CDON: variants seen among roughly 807,000 people sequenced by gnomAD.
The protein encoded by CDON is cell adhesion molecule-related/down-regulated by oncogenes.
Under a neutral mutation model 120.9 loss-of-function variants are expected in CDON, and 73 were observed. The ratio of observed to expected loss-of-function variants is 0.60; its 90% CI spans 0.50 to 0.73. CDON has a LOEUF of 0.73. Among genes scored for constraint, CDON ranks in the 30% least tolerant of loss-of-function variants. The pLI is 0.00. For missense variants in CDON, 1,470 were observed against 1,587.3 expected (o/e 0.93, Z 1.26); for synonymous variants, 566 against 573.5 (o/e 0.99, Z 0.19).
At chr11:125,996,055 T>A (rs1234108998) in intron 12 of CDON, among the ~76,000 whole-genome samples, 1 of 152,098 alleles carries the variant, frequency 6.6e-6, no homozygotes, top group African/African-American at 2.4e-5. Flanking sequence ...CTGACTCATG[T>A]CCACAACACT....
At chr11:125,962,043 C>A (rs370486076) in intron 18 of CDON, 45 bp from the exon 19 acceptor site, 188 of 1,445,580 alleles carry the variant, frequency 1.3e-4, no homozygotes, top group Non-Finnish European at 1.7e-4. Context: ...TCTAGAGGAA[C>A]CAATAATTAA....
rs1002586216 is a variant in CDON, at chr11:125,958,466, G to A, written c.*2476C>T. 5 of 151,716 alleles carry A rather than the reference G, an allele frequency of 3.3e-5. No individual in the cohort carries two copies. Among genetic ancestry groups the A allele is most frequent in the African/African-American group, 1.2e-4 (5 of 41,268 alleles). The allele number at this position is 151,716 out of a possible 1,614,324, so 9.4% of individuals were successfully genotyped here. On this transcript the variant is annotated 3_prime_UTR_variant, in exon 20 of 20. Coordinates refer to ENST00000531738, the MANE Select transcript of CDON (RefSeq NM_001378964.1). The stretch of plus-strand genomic sequence containing the variant: ...CTCATTTCCTGGTGAAGTGACATTA[G>A]GTAGGACTGTTTGGGTGCCTGTGCA...
At chr11:126,012,327 G>A (rs1167686980) in intron 7 of CDON, among the ~76,000 whole-genome samples, 1 of 152,036 alleles carries the variant, frequency 6.6e-6, no homozygotes, top group African/African-American at 2.4e-5. Context: ...AACTGGCTGT[G>A]CTTTACTGCT....
chr11:125,968,876 TG>T (rs1355370466), intron 18 of CDON, among the ~76,000 whole-genome samples: 1 of 152,272 alleles, frequency 6.6e-6, no homozygotes, highest in African/African-American at 2.4e-5. Flanking sequence ...TGTCTACATG[TG>T]TCAGCATAAA....
At chr11:126,053,725 T>C (rs962474371) in intron 1 of CDON, among the ~76,000 whole-genome samples, 2 of 148,828 alleles carry the variant, frequency 1.3e-5, no homozygotes, top group African/African-American at 2.6e-5. Flanking sequence ...CCCCATTTTC[T>C]AAACGAGGAT....
intron 1 of CDON, among the ~76,000 whole-genome samples, chr11:126,030,302 T>A (rs779743052): frequency 6.6e-6 from 1 of 152,252 alleles, no homozygotes; most frequent in Non-Finnish European, 1.5e-5. Flanking sequence ...AATAATCCTT[T>A]GGGAAAAGTC....
intron 8 of CDON, among the ~76,000 whole-genome samples, chr11:126,008,624 G>C (rs1947198075): frequency 1.3e-5 from 2 of 152,068 alleles, no homozygotes; most frequent in African/African-American, 2.4e-5. Flanking sequence ...TATGACATCT[G>C]TCTCTCTACA....
At chr11:126,028,784 GGATA>G (rs1461509795) in intron 1 of CDON, among the ~76,000 whole-genome samples, 2 of 149,580 alleles carry the variant, frequency 1.3e-5, no homozygotes, top group Admixed American at 6.7e-5. Flanking sequence ...ATTCTCTTTT[GGATA>G]GTTAGGCTAC....
intron 9 of CDON, 122 bp from the exon 10 acceptor site, chr11:126,004,198 G>C (rs1947049418): frequency 1.1e-6 from 1 of 949,224 alleles, no homozygotes; most frequent in African/African-American, 1.6e-5. Flanking sequence ...AAGTAATACA[G>C]CATGGTAAGT....
rs1431688439 is a variant in CDON, at chr11:125,994,316, T to C, written c.2618A>G (p.Asn873Ser). The change falls in exon 14 of 20, where the codon AAT becomes AGT. Residue 873 changes from asparagine (N) to serine (S), a missense_variant. Coordinates refer to ENST00000531738, the MANE Select transcript of CDON (RefSeq NM_001378964.1). The stretch of plus-strand genomic sequence containing the variant: ...AACATCCCTCTTGTAATCACTGTCA[T>C]TGTCACTATCTGTTGGTCGGTAATA... ...YIYYRPTDSDNDSDYKRDVVE... is the reference protein window; with the variant it reads ...YIYYRPTDSDSDSDYKRDVVE... The C allele has an allele frequency of 1.9e-6, 3 of 1,601,798 alleles. No individual in the cohort carries two copies. Among genetic ancestry groups the C allele is most frequent in the South Asian group, 2.2e-5 (2 of 90,812 alleles).
intron 16 of CDON, among the ~76,000 whole-genome samples, chr11:125,982,516 GTA>G (rs1299555477): frequency 6.6e-6 from 1 of 152,166 alleles, no homozygotes; most frequent in Non-Finnish European, 1.5e-5. Context: ...GCCCAGGTGT[GTA>G]GTCTCAGTAC....
intron 9 of CDON, among the ~76,000 whole-genome samples, chr11:126,004,875 AC>A (rs1947066081): frequency 6.6e-6 from 1 of 152,212 alleles, no homozygotes; most frequent in Non-Finnish European, 1.5e-5. Context: ...GTCTCATTAA[AC>A]AGAGAGGAGC....
chr11:126,035,129 AC>A (rs1948059976), intron 1 of CDON, among the ~76,000 whole-genome samples: 1 of 152,178 alleles, frequency 6.6e-6, no homozygotes, highest in East Asian at 1.9e-4. Flanking sequence ...CAAAAGACTC[AC>A]CCTCATGGGG....
intron 8 of CDON, 26 bp from the exon 9 acceptor site, chr11:126,006,083 C>G: frequency 6.3e-7 from 1 of 1,599,616 alleles, no homozygotes; most frequent in Non-Finnish European, 8.6e-7. Flanking sequence ...GAGGAGACAG[C>G]TTGAAGATAC....
At position 126,006,073 on chromosome 11, in the gene CDON, G is replaced by C. The variant is rs767709132; in HGVS notation, c.1553-16C>G. ...TCAAAAGGAACTGCAGGGAGAGAGA[G>C]AGGAGACAGCTTGAAGATACTCCTC... On this transcript the variant is annotated splice_polypyrimidine_tract_variant and intron_variant, in intron 8 of 19. Transcript: ENST00000531738. 5 of 1,612,334 alleles carry C rather than the reference G, an allele frequency of 3.1e-6. No homozygotes were observed. The Admixed American group carries it at 6.7e-5, about 21-fold the overall frequency.
rs1353982202 is a variant in CDON at position 126,017,317 on chromosome 11, A to T, written c.699T>A (p.Val233=). ...CCAAGGTTACAGGGCTACGAGAAAG[A>T]ACAGCTAATGCCTGTGAATGGGTGG... The part of the protein sequence containing the change: ...LHPTHSQALA[V]LSRSPVTLEC... Residue 233 remains valine (V), a synonymous_variant, in exon 6 of 20, where the codon GTT becomes GTA. Transcript: ENST00000531738. 1 of 1,614,180 alleles carries T rather than the reference A, an allele frequency of 6.2e-7. No individual in the cohort carries two copies. The highest frequency in any genetic ancestry group is 1.1e-5 in the South Asian group (1 of 91,082).
intron 1 of CDON, among the ~76,000 whole-genome samples, chr11:126,049,144 T>C (rs508430): frequency 0.18 from 27,143 of 152,218 alleles, 2,840 homozygotes; most frequent in African/African-American, 0.27. Context: ...TTGCTCACTA[T>C]AGATAAAAAT....
At chr11:126,019,511 A>G in intron 4 of CDON, 108 bp downstream of exon 4, 1 of 1,211,640 alleles carries the variant, frequency 8.3e-7, no homozygotes, top group Non-Finnish European at 1.2e-6. Context: ...CTCTCCACTC[A>G]TGCCTTCTTG....
chr11:125,991,257 AAAT>A (rs1234394759), intron 14 of CDON, among the ~76,000 whole-genome samples: 1 of 152,218 alleles, frequency 6.6e-6, no homozygotes, highest in Non-Finnish European at 1.5e-5. Context: ...CAGCAAAGAG[AAAT>A]AATTTTACTG....
Sources: allele counts gnomAD v4.1 joint callset (sites outside exome capture counted in the v4.1 genomes callset), GRCh38; gene constraint gnomAD v4.1.1; transcripts MANE v1.5; gene names NCBI Gene and HGNC (gene_info 2026-07-23, HGNC 2026-07-21).